Variants in UNC5C observed in about 807,000 individuals in gnomAD.
UNC5C encodes unc-5 netrin receptor C, also known as netrin receptor UNC5C.
Under a neutral mutation model 99.8 loss-of-function variants are expected in UNC5C, and 47 were observed. The observed-to-expected ratio is 0.47, with a 90% CI of 0.37 to 0.60. The LOEUF (loss-of-function observed/expected upper bound fraction) is 0.60, where lower values mean the gene tolerates loss of function less well. UNC5C is among the 20% of genes least tolerant of loss of function. UNC5C has a pLI of 0.00. For missense variants in UNC5C, 1,062 were observed against 1,165.9 expected, an observed-to-expected ratio of 0.91 and a Z score of 1.30; for synonymous variants, 487 against 452.2, an observed-to-expected ratio of 1.08 and a Z score of -0.98.
chr4:95,401,714 A>G (rs1333529464), intron 1 of UNC5C, among the ~76,000 whole-genome samples: 1 of 152,198 alleles, frequency 6.6e-6, no homozygotes. Flanking sequence ...CAGAGCCCCT[A>G]CTTGGGGCAT....
At chr4:95,457,990 G>A (rs1224437386) in intron 1 of UNC5C, among the ~76,000 whole-genome samples, 1 of 152,038 alleles carries the variant, frequency 6.6e-6, no homozygotes, top group African/African-American at 2.4e-5. Flanking sequence ...CTTTTTGTGT[G>A]GTGCTAACCT....
chr4:95,259,887 G>T (rs1303313480), intron 4 of UNC5C, among the ~76,000 whole-genome samples: 1 of 151,892 alleles, frequency 6.6e-6, no homozygotes, highest in African/African-American at 2.4e-5. Context: ...ACTTTTATGG[G>T]TTTTCCATTT....
At chr4:95,327,870 T>C (rs570498354) in intron 2 of UNC5C, among the ~76,000 whole-genome samples, 1 of 151,968 alleles carries the variant, frequency 6.6e-6, no homozygotes, top group Admixed American at 6.6e-5. Context: ...GATTCTTCCT[T>C]AATGATGAAA....
At chr4:95,275,406 T>G (rs1740825393) in intron 4 of UNC5C, among the ~76,000 whole-genome samples, 1 of 152,192 alleles carries the variant, frequency 6.6e-6, no homozygotes, top group South Asian at 2.1e-4. Context: ...TTTGCATATA[T>G]TATCTCATTT....
At chr4:95,194,006 T>C (rs970172022) in intron 12 of UNC5C, among the ~76,000 whole-genome samples, 1 of 152,212 alleles carries the variant, frequency 6.6e-6, no homozygotes, top group Non-Finnish European at 1.5e-5. Context: ...GGCTGGACTC[T>C]GGTGCCCATC....
intron 1 of UNC5C, among the ~76,000 whole-genome samples, chr4:95,469,213 C>T (rs574409402): frequency 6.6e-6 from 1 of 152,238 alleles, no homozygotes; most frequent in Admixed American, 6.6e-5. Flanking sequence ...CTTGTTCAGG[C>T]AGATATTGTT....
At chr4:95,361,225 C>T (rs1413072351) in intron 1 of UNC5C, among the ~76,000 whole-genome samples, 2 of 152,148 alleles carry the variant, frequency 1.3e-5, no homozygotes, top group Non-Finnish European at 2.9e-5. Context: ...CACATTTCCT[C>T]CTGCAGGGAC....
intron 1 of UNC5C, among the ~76,000 whole-genome samples, chr4:95,527,137 A>C (rs889102151): frequency 6.6e-6 from 1 of 152,108 alleles, no homozygotes; most frequent in African/African-American, 2.4e-5. Context: ...GAAGATCCTC[A>C]AACAAGTTAC....
intron 4 of UNC5C, among the ~76,000 whole-genome samples, chr4:95,254,781 C>G (rs1468571043): frequency 6.6e-6 from 1 of 152,200 alleles, no homozygotes; most frequent in East Asian, 1.9e-4. Context: ...TCTGTCTTTC[C>G]TATTCACTCT....
intron 1 of UNC5C, among the ~76,000 whole-genome samples, chr4:95,531,789 ACCATTGTG>A (rs2149493091): frequency 6.6e-6 from 1 of 152,270 alleles, no homozygotes; most frequent in South Asian, 2.1e-4. Context: ...TCACACTCAC[ACCATTGTG>A]CCCTGCACGA....
chr4:95,359,242 T>C (rs1371913311), intron 1 of UNC5C, among the ~76,000 whole-genome samples: 3 of 152,178 alleles, frequency 2.0e-5, no homozygotes, highest in African/African-American at 7.2e-5. Flanking sequence ...ACTGTTGAGA[T>C]AAAATAAAAA....
Position 95,422,178 on chromosome 4 carries a change from G to T in UNC5C, c.125-86547C>A, listed in dbSNP as rs78503505. Among the ~76,000 whole-genome samples the T allele has an allele frequency of 5.3e-3, 809 of 152,326 alleles. 10 individuals carry two copies. Among genetic ancestry groups the T allele is most frequent in the African/African-American group, 0.018 (762 of 41,574 alleles). On this transcript the variant is annotated intron_variant, in intron 1 of 15. Transcript: ENST00000453304. ...GTTACTCGTTTAGGTAGGCACACATGAAATATTAATTTCCTGGATTGTCTG... is the reference window on the plus strand; with the variant it reads ...GTTACTCGTTTAGGTAGGCACACATTAAATATTAATTTCCTGGATTGTCTG...
chr4:95,246,114 AT>A (rs546822603), intron 5 of UNC5C, among the ~76,000 whole-genome samples: 3 of 152,288 alleles, frequency 2.0e-5, no homozygotes, highest in Non-Finnish European at 2.9e-5. Flanking sequence ...AGACAGAAAC[AT>A]TTTTTACAGC....
rs1722255741 is a variant in UNC5C, at chr4:95,517,848, A to T, written c.124+30886T>A. Among the ~76,000 whole-genome samples the T allele has an allele frequency of 2.0e-5, 3 of 152,288 alleles. No homozygotes were observed. The South Asian group carries it at 6.2e-4, about 32-fold the overall frequency. On this transcript the variant is annotated intron_variant, in intron 1 of 15. Transcript: ENST00000453304. ...TTCTAAACACGCTGTAAATTATGTTAAGTAACTCATTGAGTCTCTGATTTA... is the reference window on the plus strand; with the variant it reads ...TTCTAAACACGCTGTAAATTATGTTTAGTAACTCATTGAGTCTCTGATTTA...
intron 1 of UNC5C, among the ~76,000 whole-genome samples, chr4:95,490,032 A>G (rs1721437082): frequency 1.4e-5 from 2 of 139,186 alleles, no homozygotes; most frequent in African/African-American, 4.9e-5. Flanking sequence ...GTGTACACAG[A>G]GAAGAGAAGG....
Position 95,219,073 on chromosome 4 carries a change from G to A in UNC5C, c.1541C>T (p.Ala514Val), listed in dbSNP as rs765247673. Residue 514 changes from alanine (A) to valine (V), a missense_variant, in exon 9 of 16, where the codon GCC becomes GTC. Physicochemically the swap from Ala to Val is moderately conservative, Grantham distance 64 (BLOSUM62 0). Coordinates refer to ENST00000453304, the MANE Select transcript of UNC5C (RefSeq NM_003728.4). ...TAGACTCTGGTTCTTCAGGCTGAGGGCTTCATTCTCCAACAACGACTGGGT... is the reference window on the plus strand; with the variant it reads ...TAGACTCTGGTTCTTCAGGCTGAGGACTTCATTCTCCAACAACGACTGGGT... ...QMTQSLLENE[A>V]LSLKNQSLAR... The A allele has an allele frequency of 3.1e-6, 5 of 1,614,010 alleles. No individual in the cohort carries two copies. In the African/African-American group the frequency reaches 4.0e-5, roughly 13 times the overall value.
chr4:95,192,122 C>A (rs548369627), intron 12 of UNC5C, among the ~76,000 whole-genome samples: 75 of 145,822 alleles, frequency 5.1e-4, no homozygotes, highest in African/African-American at 1.9e-3. Flanking sequence ...CCCTCCTCCC[C>A]TGCTCATCCT....
intron 2 of UNC5C, among the ~76,000 whole-genome samples, chr4:95,330,933 C>T (rs1219732231): frequency 6.6e-6 from 1 of 151,960 alleles, no homozygotes; most frequent in African/African-American, 2.4e-5. Flanking sequence ...TACACTGTAC[C>T]TATTAAGTAA....
At chr4:95,523,793 C>A (rs959588327) in intron 1 of UNC5C, among the ~76,000 whole-genome samples, 1 of 152,132 alleles carries the variant, frequency 6.6e-6, no homozygotes, top group East Asian at 1.9e-4. Flanking sequence ...AAATCAAATT[C>A]AAACAATGTT....
Sources: gnomAD v4.1 joint callset for allele counts (sites outside exome capture counted in the v4.1 genomes callset) on GRCh38, gnomAD v4.1.1 for gene constraint, MANE v1.5 for transcripts, NCBI Gene and HGNC (gene_info 2026-07-23, HGNC 2026-07-21) for gene names.